The following FMN1 variants were observed in gnomAD, a reference collection of about 807,000 sequenced individuals.
The protein encoded by FMN1 is formin-1.
FMN1 carries 110 observed loss-of-function variants against 132.4 expected under a neutral mutation model. The ratio of observed to expected loss-of-function variants is 0.83; its 90% CI spans 0.71 to 0.97. The LOEUF is 0.97. Among genes scored for constraint, FMN1 ranks in the 50% least tolerant of loss-of-function variants. FMN1 has a pLI of 0.00. For missense variants in FMN1, 1,792 were observed against 1,705.3 expected (o/e 1.05, Z -0.90); for synonymous variants, 722 against 651.7 (o/e 1.11, Z -1.64).
At chr15:33,048,644 A>AAAAAAAAAAAAAAAAAAAAAAAAAC in intron 6 of FMN1, among the ~76,000 whole-genome samples, 5 of 86,930 alleles carry the variant, frequency 5.8e-5, no homozygotes, top group African/African-American at 1.2e-4. Flanking sequence ...AAAAAAAAAA[A>AAAAAAAAAAAAAAAAAAAAAAAAAC]AAAAACCAAC....
At chr15:33,066,754 T>C (rs566962850) in intron 5 of FMN1, 5 of 1,613,956 alleles carry the variant, frequency 3.1e-6, no homozygotes, top group South Asian at 2.2e-5. Context: ...TCTGGCTCTC[T>C]TGGTCAGCAT....
At chr15:33,178,875 C>T (rs1327021782) in intron 3 of FMN1, among the ~76,000 whole-genome samples, 1 of 152,180 alleles carries the variant, frequency 6.6e-6, no homozygotes, top group Non-Finnish European at 1.5e-5. Flanking sequence ...TTGATTAAAG[C>T]CTCTCTAAAG....
intron 19 of FMN1, among the ~76,000 whole-genome samples, chr15:32,797,891 G>T (rs986305023): frequency 6.6e-6 from 1 of 152,090 alleles, no homozygotes; most frequent in African/African-American, 2.4e-5. Flanking sequence ...ACAAAGTGAA[G>T]AATAAAAATA....
chr15:33,094,849 CAG>C (rs771571302), intron 4 of FMN1, among the ~76,000 whole-genome samples: 1 of 152,034 alleles, frequency 6.6e-6, no homozygotes, highest in Non-Finnish European at 1.5e-5. Flanking sequence ...ACTTGAAAAA[CAG>C]GGGCACAGAT....
intron 9 of FMN1, among the ~76,000 whole-genome samples, chr15:32,942,187 C>T (rs1048163719): frequency 6.6e-6 from 1 of 152,178 alleles, no homozygotes; most frequent in Admixed American, 6.5e-5. Flanking sequence ...AAAGGCAGGC[C>T]CACACTGTCT....
chr15:32,898,859 T>G lies in FMN1; in HGVS notation c.3689A>C (p.Lys1230Thr). Residue 1230 changes from lysine (K) to threonine (T), a missense_variant, in exon 15 of 21, where the codon AAG (lysine) becomes ACG (threonine). Around this residue, in one of 3 missense-constraint regions of FMN1, gnomAD observed 1,150 missense variants for 1,043.1 expected, o/e 1.10. Coordinates refer to ENST00000616417, the MANE Select transcript of FMN1 (RefSeq NM_001277313.2). The stretch of plus-strand genomic sequence containing the variant: ...CTGATCATAGTAACGCAGGTAATAC[T>G]TAACAACGTAGTCCACCAGATTAAT... ...NGINLVDYVV[K>T]YYLRYYDQEA... 3 of 1,603,644 alleles carry G rather than the reference T, an allele frequency of 1.9e-6. No homozygotes were observed. Among genetic ancestry groups the G allele is most frequent in the Non-Finnish European group, 2.6e-6 (3 of 1,171,518 alleles).
chr15:33,100,866 G>A (rs780438099), intron 4 of FMN1, among the ~76,000 whole-genome samples: 44 of 152,144 alleles, frequency 2.9e-4, no homozygotes, highest in Non-Finnish European at 5.6e-4. Flanking sequence ...AGTCATTACT[G>A]TGGAATATTA....
intron 7 of FMN1, among the ~76,000 whole-genome samples, 166 bp from the exon 8 acceptor site, chr15:32,969,643 T>TCG (rs1312172913): frequency 6.6e-6 from 1 of 152,146 alleles, no homozygotes. Flanking sequence ...TAAATTGCAC[T>TCG]CTGAATTTTC....
At chr15:33,088,051 A>T (rs1258506232) in intron 5 of FMN1, among the ~76,000 whole-genome samples, 1 of 152,050 alleles carries the variant, frequency 6.6e-6, no homozygotes, top group Admixed American at 6.6e-5. Flanking sequence ...GACTTTGGGG[A>T]CTTGAGGGAA....
rs148275449 is a variant in FMN1, at chr15:32,823,311, A to G, written c.3929-18979T>C. 4.9e-3 allele frequency among the ~76,000 whole-genome samples: 745 copies of G among 151,652 alleles called. 4 individuals carry two copies. Among genetic ancestry groups the G allele is most frequent in the African/African-American group, 0.015 (618 of 41,322 alleles). Reference sequence around the variant, plus strand: ...CGAGTAGCTGGGACTACAGGCACCCACCACCATGCCCAGTTAATTTCTTTT... The same window carrying G: ...CGAGTAGCTGGGACTACAGGCACCCGCCACCATGCCCAGTTAATTTCTTTT... On this transcript the variant is annotated intron_variant, in intron 17 of 20. Transcript: ENST00000616417.
At chr15:32,822,515 A>ATTT (rs149831319) in intron 17 of FMN1, among the ~76,000 whole-genome samples, 2 of 150,648 alleles carry the variant, frequency 1.3e-5, no homozygotes, top group African/African-American at 4.9e-5. Context: ...TTATTACTCC[A>ATTT]TTTTTTTTTC....
At chr15:32,992,763 G>A (rs1191767917) in intron 7 of FMN1, among the ~76,000 whole-genome samples, 2 of 152,092 alleles carry the variant, frequency 1.3e-5, no homozygotes, top group Non-Finnish European at 2.9e-5. Context: ...GAGGGAATAA[G>A]AAGACAATTT....
intron 2 of FMN1, among the ~76,000 whole-genome samples, 166 bp downstream of exon 2, chr15:33,193,743 C>G (rs1467320024): frequency 1.3e-5 from 2 of 152,146 alleles, no homozygotes; most frequent in Non-Finnish European, 2.9e-5. Flanking sequence ...TTTTCTTTGG[C>G]AATCTCAATT....
intron 5 of FMN1, among the ~76,000 whole-genome samples, chr15:33,087,076 G>C (rs345798): frequency 0.7 from 107,030 of 152,096 alleles, 38,169 homozygotes; most frequent in East Asian, 0.85. Flanking sequence ...CCTTAGATTT[G>C]TGGTGCTCAC....
intron 6 of FMN1, among the ~76,000 whole-genome samples, chr15:33,016,208 G>A (rs147711820): frequency 6.6e-6 from 1 of 152,254 alleles, no homozygotes; most frequent in African/African-American, 2.4e-5. Flanking sequence ...GAAAAAATAT[G>A]CTAATCACTG....
At position 33,069,991 on chromosome 15, in the gene FMN1, C is replaced by CTTTTT. The variant is rs1566888327; in HGVS notation, c.2044-4918_2044-4917insAAAAA. On this transcript the variant is annotated intron_variant, in intron 5 of 20. Transcript: ENST00000616417. ...ACAACAGATCATAAGATCAGTCTTT[C>CTTTTT]TCTTTTTTTTTTTTTTTTTTTTTTT... is the stretch of plus-strand genomic sequence containing the variant. Among the ~76,000 whole-genome samples the CTTTTT allele has an allele frequency of 1.1e-3, 65 of 59,584 alleles. 1 individual carries two copies. Among genetic ancestry groups the CTTTTT allele is most frequent in the Middle Eastern group, 9.8e-3 (1 of 102 alleles). 39.1% of individuals were successfully genotyped at this position (59,584 alleles called of 152,430 possible).
At chr15:32,978,039 TA>T (rs1271051550) in intron 7 of FMN1, among the ~76,000 whole-genome samples, 2 of 152,034 alleles carry the variant, frequency 1.3e-5, no homozygotes, top group Non-Finnish European at 2.9e-5. Context: ...TTATTCTTAG[TA>T]GAGACAGGGT....
intron 7 of FMN1, among the ~76,000 whole-genome samples, chr15:33,005,899 C>A (rs905725594): frequency 6.6e-6 from 1 of 152,140 alleles, no homozygotes; most frequent in Non-Finnish European, 1.5e-5. Flanking sequence ...AAGGGCCTCC[C>A]TCCTCTCCTT....
rs1209200199 is a variant in FMN1, at chr15:32,838,387, G to A, written c.3928+18628C>T. Among the ~76,000 whole-genome samples the A allele has an allele frequency of 2.0e-5, 3 of 152,214 alleles. No homozygotes were observed. In the East Asian group the frequency reaches 5.8e-4, roughly 29 times the overall value. On this transcript the variant is annotated intron_variant, in intron 17 of 20. Coordinates refer to ENST00000616417, the MANE Select transcript of FMN1 (RefSeq NM_001277313.2). ...TCTGGAGACTGAGCAACTGGTGCCC[G>A]ATTTCTGTGCATCTCAAGAGGAGAT...
Sources: allele counts gnomAD v4.1 joint callset (sites outside exome capture counted in the v4.1 genomes callset), GRCh38; gene constraint gnomAD v4.1.1; regional missense constraint gnomAD v4.1.1; transcripts MANE v1.5; gene names NCBI Gene and HGNC (gene_info 2026-07-23, HGNC 2026-07-21).